The following PRRC2B variants were observed in gnomAD, a reference collection of about 807,000 sequenced individuals.
PRRC2B encodes proline rich coiled-coil 2B, also known as protein PRRC2B.
A neutral mutation model predicts 242.3 loss-of-function variants in PRRC2B; 68 were observed. That is an observed-to-expected ratio of 0.28 (90% CI 0.23 to 0.34). The LOEUF (loss-of-function observed/expected upper bound fraction) is 0.34. Ranked by LOEUF, PRRC2B falls within the 10% of genes least tolerant of loss-of-function variation. The pLI, the probability that PRRC2B is intolerant of heterozygous loss-of-function variation, is 1.00. For missense variants in PRRC2B, 2,835 were observed against 2,954.8 expected (o/e 0.96, Z 0.94); for synonymous variants, 1,228 against 1,173.6 (o/e 1.05, Z -0.95).
intron 1 of PRRC2B, among the ~76,000 whole-genome samples, chr9:131,384,081 C>G (rs1836797289): frequency 8.4e-6 from 1 of 119,446 alleles, no homozygotes; most frequent in African/African-American, 3.0e-5. Context: ...CCATACCCGG[C>G]TATTTTTTTT....
At chr9:131,459,937 A>T (rs1287078788) in intron 11 of PRRC2B, among the ~76,000 whole-genome samples, 1 of 148,646 alleles carries the variant, frequency 6.7e-6, no homozygotes, top group Non-Finnish European at 1.5e-5. Flanking sequence ...GGAGTTCAAG[A>T]CCATCCTGGC....
chr9:131,475,659 C>G lies in PRRC2B; in HGVS notation c.3530C>G (p.Ser1177Cys). The G allele has an allele frequency of 1.2e-6, 2 of 1,611,196 alleles. No homozygotes were observed. Among genetic ancestry groups the G allele is most frequent in the South Asian group, 1.1e-5 (1 of 90,910 alleles). Residue 1177 changes from serine (S) to cysteine (C), a missense_variant, in exon 16 of 32, where the codon TCT becomes TGT. Around this residue, in one of 7 missense-constraint regions of PRRC2B, gnomAD observed 1,536 missense variants for 1,483.1 expected, o/e 1.04. Transcript: ENST00000683519. ...TTGAAGAAGGGCGACTGCAGAGATT[C>G]TTGGCGGTCCAACAAGGGGTGCTCT... is the stretch of plus-strand genomic sequence containing the variant. ...STLKKGDCRD[S>C]WRSNKGCSED... is the part of the protein sequence containing the mutation.
chr9:131,417,099 G>A (rs1837680069), intron 1 of PRRC2B, among the ~76,000 whole-genome samples: 2 of 152,128 alleles, frequency 1.3e-5, no homozygotes, highest in Non-Finnish European at 2.9e-5. Context: ...TGGGTGCCTG[G>A]ATGGGAGGCT....
intron 1 of PRRC2B, among the ~76,000 whole-genome samples, chr9:131,411,908 G>A (rs902637270): frequency 6.6e-6 from 1 of 152,038 alleles, no homozygotes; most frequent in African/African-American, 2.4e-5. Flanking sequence ...CAAACTCCTG[G>A]ATTCAAGGGA....
upstream of PRRC2B, among the ~76,000 whole-genome samples, chr9:131,391,929 C>T (rs1248207298): frequency 5.3e-5 from 8 of 150,328 alleles, 1 homozygote; most frequent in Admixed American, 2.0e-4. Context: ...TTAGTAGAGA[C>T]GGGGTTTCAC....
intron 13 of PRRC2B, among the ~76,000 whole-genome samples, chr9:131,469,810 C>T (rs539255534): frequency 6.6e-6 from 1 of 152,300 alleles, no homozygotes; most frequent in East Asian, 1.9e-4. Flanking sequence ...TGAATAGTTA[C>T]TGATAATTTG....
At chr9:131,481,864 T>C in intron 20 of PRRC2B, 56 bp downstream of exon 20, 1 of 1,464,132 alleles carries the variant, frequency 6.8e-7, no homozygotes, top group South Asian at 1.2e-5. Flanking sequence ...GAGTGTGTGC[T>C]CACCATCCAC....
intron 1 of PRRC2B, among the ~76,000 whole-genome samples, chr9:131,415,822 T>C (rs1349735133): frequency 2.6e-5 from 4 of 152,208 alleles, no homozygotes; most frequent in Non-Finnish European, 5.9e-5. Flanking sequence ...AATTTCACAT[T>C]GTACTTTGTG....
intron 11 of PRRC2B, among the ~76,000 whole-genome samples, chr9:131,461,517 T>C (rs1489785909): frequency 6.6e-6 from 1 of 152,206 alleles, no homozygotes; most frequent in Non-Finnish European, 1.5e-5. Context: ...TGGTAAAGCC[T>C]GCTATTTTCA....
intron 3 of PRRC2B, 109 bp from the exon 4 acceptor site, chr9:131,436,508 AGAG>A (rs923615079): frequency 1.4e-6 from 1 of 736,054 alleles, no homozygotes; most frequent in South Asian, 1.8e-5. Context: ...TTTATTGGCC[AGAG>A]GAGGTCTGCT....
intron 3 of PRRC2B, among the ~76,000 whole-genome samples, chr9:131,433,436 C>T (rs1048496743): frequency 3.9e-5 from 6 of 152,128 alleles, no homozygotes; most frequent in Non-Finnish European, 8.8e-5. Context: ...GAGAAACAGC[C>T]CCTGTGTGGT....
At chr9:131,476,560 C>CT (rs1201454257) in intron 16 of PRRC2B, 25 bp downstream of exon 16, 4 of 1,548,460 alleles carry the variant, frequency 2.6e-6, no homozygotes, top group Non-Finnish European at 3.5e-6. Context: ...CATCTGGGCC[C>CT]TTTTTGTTGT....
rs766625281 is a variant in PRRC2B at position 131,430,151 on chromosome 9, G to A, written c.7G>A (p.Asp3Asn). The A allele has an allele frequency of 1.4e-5, 22 of 1,599,160 alleles. No homozygotes were observed. The highest frequency in any genetic ancestry group is 1.7e-5 in the Non-Finnish European group (20 of 1,172,742). Residue 3 changes from aspartate to asparagine, a missense_variant, in exon 2 of 32, where the codon GAT (aspartate) becomes AAT (asparagine). By Grantham distance (23) the Asp-to-Asn change is conservative. This residue lies in a region of PRRC2B where 626 missense variants were observed against 685.5 expected (regional missense o/e 0.91). Coordinates refer to ENST00000683519, the MANE Select transcript of PRRC2B (RefSeq NM_013318.4). MSDRLGQITKGKD... is the reference protein window; with the variant it reads MSNRLGQITKGKD... ...TAGATGACATTTCATCGCAATGTCCGATCGTTTGGGGCAAATTACCAAGGG... is the reference window on the plus strand; with the variant it reads ...TAGATGACATTTCATCGCAATGTCCAATCGTTTGGGGCAAATTACCAAGGG...
upstream of PRRC2B, among the ~76,000 whole-genome samples, chr9:131,392,690 A>T (rs1027873248): frequency 1.3e-5 from 2 of 152,182 alleles, no homozygotes; most frequent in African/African-American, 4.8e-5. Flanking sequence ...AGGTAGGTGG[A>T]TCACTTTAGC....
At chr9:131,423,499 C>T (rs924300142) in intron 1 of PRRC2B, among the ~76,000 whole-genome samples, 2 of 152,212 alleles carry the variant, frequency 1.3e-5, no homozygotes, top group Admixed American at 6.5e-5. Flanking sequence ...GGGCCAGATG[C>T]TTGTGGGCGG....
intron 19 of PRRC2B, among the ~76,000 whole-genome samples, chr9:131,481,525 T>A (rs1394011871): frequency 6.6e-6 from 1 of 151,866 alleles, no homozygotes; most frequent in African/African-American, 2.4e-5. Context: ...ATGTGGAAAG[T>A]TGGGTAAGGC....
At chr9:131,477,620 C>A in intron 16 of PRRC2B, 124 bp from the exon 17 acceptor site, 1 of 633,854 alleles carries the variant, frequency 1.6e-6, no homozygotes. Flanking sequence ...CCTCCCCACC[C>A]GAGGAGTCAG....
chr9:131,406,397 T>A (rs1161126529), intron 1 of PRRC2B, among the ~76,000 whole-genome samples: 1 of 152,146 alleles, frequency 6.6e-6, no homozygotes, highest in Non-Finnish European at 1.5e-5. Flanking sequence ...TGTGTTGTGT[T>A]CTTGGGGAGT....
intron 9 of PRRC2B, among the ~76,000 whole-genome samples, chr9:131,452,089 GTATTTT>G (rs1486462057): frequency 5.1e-4 from 2 of 3,956 alleles, no homozygotes; most frequent in African/African-American, 7.6e-4. Context: ...AATAAGATTG[GTATTTT>G]TGTAAGATCA....
Sources: gnomAD v4.1 joint callset for allele counts (sites outside exome capture counted in the v4.1 genomes callset) on GRCh38, gnomAD v4.1.1 for gene constraint, gnomAD v4.1.1 regional missense constraint, MANE v1.5 for transcripts, NCBI Gene and HGNC (gene_info 2026-07-23, HGNC 2026-07-21) for gene names.